The following CAPN5 variants were observed in gnomAD, a reference collection of about 807,000 sequenced individuals.
CAPN5 encodes the protein calpain-5.
In CAPN5, 54 loss-of-function variants were observed where a neutral mutation model predicts 73.0. That is an observed-to-expected ratio of 0.74 (90% CI 0.59 to 0.93). CAPN5 has a LOEUF of 0.93. Among genes scored for constraint, CAPN5 ranks in the 40% least tolerant of loss-of-function variants. CAPN5 has a pLI of 0.00. For synonymous variants in CAPN5, 335 were observed against 356.9 expected, an observed-to-expected ratio of 0.94 and a Z score of 0.69; for missense variants, 785 against 882.9, an observed-to-expected ratio of 0.89 and a Z score of 1.41.
At position 77,093,759 on chromosome 11, in the gene CAPN5, C is replaced by T. The variant is rs1555037024; in HGVS notation, c.243C>T (p.Cys81=). 6 of 1,612,462 alleles carry T rather than the reference C, an allele frequency of 3.7e-6. No individual in the cohort carries two copies. Among genetic ancestry groups the T allele is most frequent in the Non-Finnish European group, 5.1e-6 (6 of 1,179,976 alleles). Residue 81 remains cysteine, a synonymous_variant, in exon 3 of 13, where the codon TGC becomes TGT. Coordinates refer to ENST00000648180, the MANE Select transcript of CAPN5 (RefSeq NM_004055.5). ...TGCACCAGGGCCAGGTGGGCAACTG[C>T]TGGTTTGTGGCAGCCTGCTCGTCAC... ...HDLHQGQVGN[C]WFVAACSSLA... is the part of the protein sequence containing the mutation.
intron 1 of CAPN5, among the ~76,000 whole-genome samples, chr11:77,080,132 C>T (rs1320211090): frequency 6.6e-6 from 1 of 152,172 alleles, no homozygotes; most frequent in Admixed American, 6.5e-5. Flanking sequence ...TGCATTGTGG[C>T]ATCTCTTTTG....
chr11:77,088,486 G>T (rs797043170), intron 2 of CAPN5, among the ~76,000 whole-genome samples: 1 of 152,188 alleles, frequency 6.6e-6, no homozygotes, highest in Non-Finnish European at 1.5e-5. Context: ...AGGCCTTGAA[G>T]GGTGCGGACT....
chr11:77,072,335 C>T (rs1361332378), intron 1 of CAPN5, among the ~76,000 whole-genome samples: 4 of 152,222 alleles, frequency 2.6e-5, no homozygotes, highest in East Asian at 1.9e-4. Flanking sequence ...CTGGTGTGAA[C>T]GAATCACTTC....
At position 77,120,748 on chromosome 11, in the gene CAPN5, G is replaced by C. The variant is rs145516176; in HGVS notation, c.1326G>C (p.Leu442=). 1.2e-6 allele frequency: 2 copies of C among 1,613,460 alleles called. No individual in the cohort carries two copies. Among genetic ancestry groups the C allele is most frequent in the African/African-American group, 1.3e-5 (1 of 75,062 alleles). Residue 442 remains leucine (L), a synonymous_variant, in exon 10 of 13, where the codon CTG becomes CTC. Coordinates refer to ENST00000648180, the MANE Select transcript of CAPN5 (RefSeq NM_004055.5). The part of the protein sequence containing the change: ...EENRQYRMHS[L]QHKAASSIYI... ...ACCGCCAGTACCGCATGCACAGCCTGCAGCACAAGGCCGCCAGCTCCATCT... is the reference window on the plus strand; with the variant it reads ...ACCGCCAGTACCGCATGCACAGCCTCCAGCACAAGGCCGCCAGCTCCATCT...
chr11:77,073,179 T>G, intron 1 of CAPN5: 3 of 1,119,966 alleles, frequency 2.7e-6, no homozygotes, highest in Non-Finnish European at 3.6e-6. Context: ...ACTGTGGGTT[T>G]CCTGGATGTG....
At chr11:77,087,579 C>A (rs1193055108) in intron 2 of CAPN5, among the ~76,000 whole-genome samples, 1 of 152,186 alleles carries the variant, frequency 6.6e-6, no homozygotes, top group Non-Finnish European at 1.5e-5. Flanking sequence ...TGGCTGCAGC[C>A]TTGGCCCTAC....
chr11:77,121,298 G>A (rs1182202776), intron 10 of CAPN5, among the ~76,000 whole-genome samples: 1 of 152,254 alleles, frequency 6.6e-6, no homozygotes, highest in East Asian at 1.9e-4. Flanking sequence ...TGGTTCCAGG[G>A]TTGGGTCTTG....
intron 3 of CAPN5, among the ~76,000 whole-genome samples, chr11:77,109,273 T>A (rs1212733543): frequency 6.6e-6 from 1 of 152,258 alleles, no homozygotes; most frequent in Non-Finnish European, 1.5e-5. Context: ...TTCTCATTTA[T>A]GAGCAGGAAG....
At position 77,102,904 on chromosome 11, in the gene CAPN5, C is replaced by G. The variant is rs1555039139; in HGVS notation, c.297+9091C>G. Reference sequence around the variant, plus strand: ...CCGCTGGTCCTGGACCAGGGCCTGACCAGGCAGATGCGGCTACGCGTGGAG... The same window carrying G: ...CCGCTGGTCCTGGACCAGGGCCTGAGCAGGCAGATGCGGCTACGCGTGGAG... On this transcript the variant is annotated intron_variant, in intron 3 of 12. Coordinates refer to ENST00000648180, the MANE Select transcript of CAPN5 (RefSeq NM_004055.5). 1.9e-6 allele frequency: 3 copies of G among 1,612,490 alleles called. No homozygotes were observed. In the African/African-American group the frequency reaches 4.0e-5, roughly 22 times the overall value.
intron 3 of CAPN5, among the ~76,000 whole-genome samples, chr11:77,111,975 C>T (rs1246224637): frequency 1.3e-5 from 2 of 151,574 alleles, no homozygotes; most frequent in African/African-American, 2.4e-5. Flanking sequence ...AGAAATGAGG[C>T]TGGGGGAGTG....
At chr11:77,119,496 C>T in intron 9 of CAPN5, 1 of 287,514 alleles carries the variant, frequency 3.5e-6, no homozygotes, top group Non-Finnish European at 6.8e-6. Flanking sequence ...ACTGCTCCTC[C>T]CTCAGGCCTC....
intron 1 of CAPN5, among the ~76,000 whole-genome samples, chr11:77,077,712 G>A (rs894807097): frequency 1.3e-5 from 2 of 151,854 alleles, no homozygotes; most frequent in African/African-American, 4.8e-5. Flanking sequence ...ATGGGGTTTC[G>A]CCATGTTGAG....
rs1555041630 is a variant in CAPN5 at position 77,115,657 on chromosome 11, G to T, written c.893+69G>T. ...TGGACAAGGACGGGTGGGCTTCTTG[G>T]AGGAGTTGGCACTGGGGCTGGGCCT... On this transcript the variant is annotated intron_variant, in intron 6 of 12. Transcript: ENST00000648180. The T allele has an allele frequency of 1.3e-5, 18 of 1,346,754 alleles. No individual in the cohort carries two copies. In the East Asian group the frequency reaches 4.0e-4, roughly 30 times the overall value. The allele number at this position is 1,346,754 out of a possible 1,614,324, so 83.4% of individuals were successfully genotyped here.
intron 3 of CAPN5, among the ~76,000 whole-genome samples, chr11:77,106,600 C>T (rs933919490): frequency 6.6e-6 from 1 of 152,208 alleles, no homozygotes; most frequent in African/African-American, 2.4e-5. Flanking sequence ...CCAGCAATGG[C>T]ACCTCTCTCG....
At chr11:77,085,085 C>T (rs1555035277) in intron 2 of CAPN5, 34 bp downstream of exon 2, 9 of 1,594,426 alleles carry the variant, frequency 5.6e-6, no homozygotes, top group Middle Eastern at 1.8e-4. Context: ...GCTGGGTGAG[C>T]GGGCCCAGGC....
At chr11:77,111,704 G>A (rs918900425) in intron 3 of CAPN5, among the ~76,000 whole-genome samples, 2 of 145,304 alleles carry the variant, frequency 1.4e-5, no homozygotes, top group Non-Finnish European at 3.0e-5. Context: ...TGCCCCCAGA[G>A]AACTGACATT....
At chr11:77,122,788 T>A in intron 12 of CAPN5, 76 bp downstream of exon 12, 1 of 1,584,658 alleles carries the variant, frequency 6.3e-7, no homozygotes, top group African/African-American at 1.3e-5. Context: ...CAAGCCCAGG[T>A]GGAAGACCCT....
chr11:77,096,245 C>T (rs184962962), intron 3 of CAPN5, among the ~76,000 whole-genome samples: 3 of 152,242 alleles, frequency 2.0e-5, no homozygotes, highest in Admixed American at 6.5e-5. Flanking sequence ...TCGACACACA[C>T]GCCCCCAACA....
In CAPN5 at chr11:77,102,958, A is replaced by G. The variant is rs1555039162; in HGVS notation, c.297+9145A>G. The G allele has an allele frequency of 2.5e-6, 4 of 1,613,142 alleles. No homozygotes were observed. The East Asian group carries it at 8.9e-5, about 36-fold the overall frequency. ...CTGAAGCAGCGCGGGGAGAAGCGCC[A>G]GGATGGGGAGAAGCTGCTGCAGCCA... On this transcript the variant is annotated intron_variant, in intron 3 of 12. Transcript: ENST00000648180.
Sources: allele counts gnomAD v4.1 joint callset (sites outside exome capture counted in the v4.1 genomes callset), GRCh38; gene constraint gnomAD v4.1.1; transcripts MANE v1.5; gene names NCBI Gene and HGNC (gene_info 2026-07-23, HGNC 2026-07-21).